The following CPEB3 variants were observed in gnomAD, a reference collection of about 807,000 sequenced individuals.
CPEB3 encodes cytoplasmic polyadenylation element-binding protein 3.
In CPEB3, 20 loss-of-function variants were observed where a neutral mutation model predicts 67.2. That is an observed-to-expected ratio of 0.30 (90% confidence interval 0.21 to 0.43). The LOEUF (loss-of-function observed/expected upper bound fraction) is 0.43, where lower values mean the gene tolerates loss of function less well. CPEB3 is among the 20% of genes least tolerant of loss of function. The pLI, the probability that CPEB3 is intolerant of heterozygous loss-of-function variation, is 1.00. For synonymous variants in CPEB3, 376 were observed against 393.1 expected, an observed-to-expected ratio of 0.96 and a Z score of 0.51; for missense variants, 746 against 968.6, an observed-to-expected ratio of 0.77 and a Z score of 3.05.
rs993640710 is a variant in CPEB3, at chr10:92,091,916, T to C, written c.1601A>G (p.Asp534Gly). The change falls in exon 8 of 10, where the codon GAC becomes GGC. Residue 534 changes from aspartate to glycine, a missense_variant. Physicochemically the swap from Asp to Gly is moderately conservative, Grantham distance 94 (BLOSUM62 -1). Transcript: ENST00000265997. The part of the protein sequence containing the change: ...PVQIRPWNLS[D>G]SDFVMDGSQP... ...AGAACCATCCATTACAAAGTCACTG[T>C]CACTTAGGTTCCATGGTCGAATTTG... 5 of 1,613,380 alleles carry C rather than the reference T, an allele frequency of 3.1e-6. No individual in the cohort carries two copies. The highest frequency in any genetic ancestry group is 4.2e-6 in the Non-Finnish European group (5 of 1,179,800).
intron 2 of CPEB3, among the ~76,000 whole-genome samples, chr10:92,204,836 CTT>C (rs750482213): frequency 1.3e-3 from 158 of 125,044 alleles, no homozygotes; most frequent in African/African-American, 1.1e-3. Context: ...ATCTTAACCA[CTT>C]TTTTTTTTTT....
chr10:92,244,336 G>C (rs1054238650), intron 1 of CPEB3, among the ~76,000 whole-genome samples: 33 of 151,434 alleles, frequency 2.2e-4, no homozygotes, highest in African/African-American at 7.0e-4. Flanking sequence ...GACAGAGTAA[G>C]ACCCTGTCTC....
chr10:92,106,837 A>AAAAAG (rs1554887802), intron 7 of CPEB3, among the ~76,000 whole-genome samples: 1 of 136,676 alleles, frequency 7.3e-6, no homozygotes, highest in African/African-American at 2.6e-5. Flanking sequence ...AAAAAAAAAA[A>AAAAAG]AAAGAAAGAA....
rs553282868 is a variant in CPEB3, at chr10:92,082,766, A to AC, written c.1688-1266dup. Reference sequence around the variant, plus strand: ...ATATAAGTCCAAAAGACTCAGCACTACCCCTGGGAAGTGACCCAAGAACCT... The same window carrying AC: ...ATATAAGTCCAAAAGACTCAGCACTACCCCCTGGGAAGTGACCCAAGAACCT... On this transcript the variant is annotated intron_variant, in intron 8 of 9. Transcript: ENST00000265997. 9.1e-4 allele frequency among the ~76,000 whole-genome samples: 138 copies of AC among 152,210 alleles called. 3 individuals carry two copies. The South Asian group carries it at 0.012, about 13-fold the overall frequency.
chr10:92,123,623 C>T (rs1845489530), intron 6 of CPEB3, among the ~76,000 whole-genome samples: 1 of 152,190 alleles, frequency 6.6e-6, no homozygotes, highest in Non-Finnish European at 1.5e-5. Context: ...CTGTTACACT[C>T]CCTCAGTCAG....
At chr10:92,073,034 C>T (rs765161816) in intron 9 of CPEB3, among the ~76,000 whole-genome samples, 15 of 133,902 alleles carry the variant, frequency 1.1e-4, no homozygotes, top group Non-Finnish European at 1.1e-4. Context: ...GCATGAATCT[C>T]TGTCTTTTTT....
intron 7 of CPEB3, among the ~76,000 whole-genome samples, 198 bp downstream of exon 7, chr10:92,110,878 C>T (rs758381649): frequency 1.6e-4 from 24 of 152,246 alleles, no homozygotes; most frequent in Non-Finnish European, 3.2e-4. Context: ...ACACACAGTC[C>T]CAAAGGTATA....
At chr10:92,075,458 A>G (rs562159049) in intron 9 of CPEB3, among the ~76,000 whole-genome samples, 30 of 152,318 alleles carry the variant, frequency 2.0e-4, no homozygotes, top group African/African-American at 6.7e-4. Flanking sequence ...TGTGTTCTAA[A>G]ACAGATAGTG....
chr10:92,185,258 G>C (rs745896098), intron 3 of CPEB3, among the ~76,000 whole-genome samples: 1 of 152,132 alleles, frequency 6.6e-6, no homozygotes, highest in Non-Finnish European at 1.5e-5. Flanking sequence ...TAAAATGTAA[G>C]ATTTCAAAAA....
At chr10:92,196,849 T>G (rs905266009) in intron 2 of CPEB3, among the ~76,000 whole-genome samples, 7 of 151,746 alleles carry the variant, frequency 4.6e-5, no homozygotes, top group Middle Eastern at 6.8e-3. Context: ...GGAGAATCAC[T>G]TGAACCTGGG....
chr10:92,180,392 C>A (rs1848409968), intron 4 of CPEB3, among the ~76,000 whole-genome samples: 1 of 152,178 alleles, frequency 6.6e-6, no homozygotes, highest in Non-Finnish European at 1.5e-5. Flanking sequence ...TTTATTCATT[C>A]ACATTATATT....
At chr10:92,067,516 A>G (rs1237537954) in intron 9 of CPEB3, among the ~76,000 whole-genome samples, 1 of 148,870 alleles carries the variant, frequency 6.7e-6, no homozygotes, top group African/African-American at 2.5e-5. Context: ...AATAAAAAAA[A>G]GAAAGAAAAT....
chr10:92,108,770 T>C (rs1016424657), intron 7 of CPEB3, among the ~76,000 whole-genome samples: 1 of 152,194 alleles, frequency 6.6e-6, no homozygotes, highest in Admixed American at 6.5e-5. Context: ...AGTTTCCCCA[T>C]AAACATTTCC....
At position 92,051,931 on chromosome 10, in the gene CPEB3, TGA is replaced by T; in HGVS notation, c.*279_*280del. On this transcript the variant is annotated 3_prime_UTR_variant, in exon 10 of 10. Coordinates refer to ENST00000265997, the MANE Select transcript of CPEB3 (RefSeq NM_014912.5). ...ATGGCAGTCTACATACTGTCACGAG[TGA>T]CAAATCAGGTATAAAAAATTAAGGT... 2 of 316,042 alleles carry T rather than the reference TGA, an allele frequency of 6.3e-6. No individual in the cohort carries two copies. 19.6% of individuals were successfully genotyped at this position (316,042 alleles called of 1,614,324 possible). A position where few individuals can be genotyped will look rare whatever the true frequency, so the allele number is the denominator to read the frequency against.
intron 9 of CPEB3, among the ~76,000 whole-genome samples, chr10:92,056,164 C>T (rs149705766): frequency 4.6e-5 from 7 of 152,298 alleles, no homozygotes; most frequent in African/African-American, 9.6e-5. Context: ...TGCTCCTGCA[C>T]CTGTTCATGA....
chr10:92,088,613 G>C (rs1350097313), intron 8 of CPEB3, among the ~76,000 whole-genome samples: 1 of 151,494 alleles, frequency 6.6e-6, no homozygotes, highest in Non-Finnish European at 1.5e-5. Context: ...GTCTTACAAT[G>C]AGGAAATATC....
At chr10:92,264,429 T>G (rs531395251) in intron 1 of CPEB3, among the ~76,000 whole-genome samples, 1 of 152,304 alleles carries the variant, frequency 6.6e-6, no homozygotes, top group East Asian at 1.9e-4. Flanking sequence ...GCTTAACTGT[T>G]ATCCCTCACC....
At chr10:92,081,048 T>C (rs1843132456) in intron 9 of CPEB3, among the ~76,000 whole-genome samples, 1 of 152,220 alleles carries the variant, frequency 6.6e-6, no homozygotes, top group African/African-American at 2.4e-5. Context: ...GTCAGTGTCA[T>C]CTTCTGAACA....
intron 7 of CPEB3, among the ~76,000 whole-genome samples, chr10:92,092,683 G>A (rs1843670430): frequency 6.6e-6 from 1 of 152,100 alleles, no homozygotes; most frequent in African/African-American, 2.4e-5. Flanking sequence ...AGGAGGCTGA[G>A]GCATGAGAAT....
Sources: gnomAD v4.1 joint callset for allele counts (sites outside exome capture counted in the v4.1 genomes callset) on GRCh38, gnomAD v4.1.1 for gene constraint, MANE v1.5 for transcripts, NCBI Gene and HGNC (gene_info 2026-07-23, HGNC 2026-07-21) for gene names.